Variants in HMGXB3 observed in about 807,000 individuals in gnomAD.
HMGXB3 encodes HMG domain-containing protein 3.
In HMGXB3, 45 loss-of-function variants were observed where a neutral mutation model predicts 121.5. The ratio of observed to expected loss-of-function variants is 0.37; its 90% CI spans 0.29 to 0.47. The LOEUF (loss-of-function observed/expected upper bound fraction) is 0.47, where lower values mean the gene tolerates loss of function less well. Ranked by LOEUF, HMGXB3 falls within the 20% of genes least tolerant of loss-of-function variation. The probability of loss-of-function intolerance (pLI) is 0.99; values close to 1 mark genes in which losing one functional copy is unlikely to be tolerated. For synonymous variants in HMGXB3, 590 were observed against 624.1 expected (o/e 0.95, Z 0.81); for missense variants, 1,376 against 1,602.2 (o/e 0.86, Z 2.41).
At chr5:150,027,594 A>T (rs1756264242) in intron 9 of HMGXB3, among the ~76,000 whole-genome samples, 2 of 151,642 alleles carry the variant, frequency 1.3e-5, no homozygotes, top group African/African-American at 4.9e-5. Context: ...TCTGTCACCC[A>T]GGCTGGAGTG....
At chr5:150,026,604 A>C (rs1302038132) in intron 7 of HMGXB3, 102 bp from the exon 8 acceptor site, 2 of 987,912 alleles carry the variant, frequency 2.0e-6, no homozygotes, top group East Asian at 2.6e-5. Context: ...TTGACAGTTT[A>C]ACCCCAATAC....
chr5:150,026,459 A>G (rs559856814), intron 7 of HMGXB3, among the ~76,000 whole-genome samples: 12 of 152,346 alleles, frequency 7.9e-5, no homozygotes, highest in South Asian at 2.1e-4. Context: ...TGTCTTCGCA[A>G]TGACCCCATA....
At chr5:150,027,143 G>A in intron 9 of HMGXB3, 26 bp downstream of exon 9, 1 of 1,532,974 alleles carries the variant, frequency 6.5e-7, no homozygotes, top group Non-Finnish European at 8.8e-7. Flanking sequence ...CAGAGTGGGA[G>A]CTGTTTGAGG....
chr5:150,008,810 C>T (rs754200722), intron 3 of HMGXB3, among the ~76,000 whole-genome samples: 5 of 152,242 alleles, frequency 3.3e-5, no homozygotes, highest in Non-Finnish European at 5.9e-5. Flanking sequence ...AACATGGCTG[C>T]TTCAAAGGGT....
chr5:150,026,707 G>A lies in HMGXB3; in HGVS notation c.1462G>A (p.Ala488Thr), dbSNP rs893443147. The A allele has an allele frequency of 6.5e-7, 1 of 1,549,472 alleles. No individual in the cohort carries two copies. The change falls in exon 8 of 20, where the codon GCT becomes ACT. Residue 488 changes from alanine to threonine, a missense_variant and splice_region_variant. Transcript: ENST00000502717. ...GATTTCTCTTCTTATTCTTTTCAGA[G>A]CTGACCTGCTTACCCCTGGGTCCAG... ...PLPAPKKPTG[A>T]DLLTPGSRAP...
chr5:150,045,762 GCA>G, intron 16 of HMGXB3, 77 bp downstream of exon 16: 1 of 1,185,880 alleles, frequency 8.4e-7, no homozygotes, highest in Non-Finnish European at 1.2e-6. Context: ...TGGCAAGATA[GCA>G]CAGTGGTAGC....
At chr5:150,008,006 G>A (rs889315557) in intron 3 of HMGXB3, among the ~76,000 whole-genome samples, 3 of 151,692 alleles carry the variant, frequency 2.0e-5, no homozygotes, top group South Asian at 2.1e-4. Flanking sequence ...GCAGTGAGCC[G>A]TGATTGTGCC....
chr5:150,041,681 G>C lies in HMGXB3; in HGVS notation c.2546-104G>C. ...AGTACACTGGAGTGTTCTTTAAGGT[G>C]AATCAGTCTGGCAGAATTGCTCTAC... is the stretch of plus-strand genomic sequence containing the variant. On this transcript the variant is annotated intron_variant, in intron 14 of 19. Transcript: ENST00000502717. The C allele has an allele frequency of 4.9e-6, 4 of 818,638 alleles. No individual in the cohort carries two copies. The South Asian group carries it at 5.1e-5, about 10-fold the overall frequency. 50.7% of individuals were successfully genotyped at this position (818,638 alleles called of 1,614,324 possible).
chr5:150,004,884 CTG>C lies in HMGXB3; in HGVS notation c.34_35del (p.Val12ArgfsTer6). 1 of 1,551,566 alleles carries C rather than the reference CTG, an allele frequency of 6.4e-7. No homozygotes were observed. Among genetic ancestry groups the C allele is most frequent in the Non-Finnish European group, 8.7e-7 (1 of 1,146,896 alleles). ...GCATCATATGATGGTACTGAGGTAA[CTG>C]TCGTGATGGAGGAAATTGAGGAAGC... On this transcript the variant is annotated frameshift_variant, in exon 2 of 20. Transcript: ENST00000502717. LOFTEE classifies it high-confidence loss of function.
chr5:150,030,391 G>T (rs537206951), intron 9 of HMGXB3: 1 of 176,882 alleles, frequency 5.7e-6, no homozygotes, highest in Admixed American at 6.0e-5. Context: ...TGACATTTTA[G>T]TGAATAGTCT....
rs1481337221 is a variant in HMGXB3, at chr5:150,028,557, A to AT, written c.1734+1441dup. Among the ~76,000 whole-genome samples the AT allele has an allele frequency of 9.9e-4, 64 of 64,494 alleles. 4 individuals are homozygous for AT. Among genetic ancestry groups the AT allele is most frequent in the African/African-American group, 2.9e-3 (57 of 19,610 alleles). 42.3% of individuals were successfully genotyped at this position (64,494 alleles called of 152,430 possible). On this transcript the variant is annotated intron_variant, in intron 9 of 19. Coordinates refer to ENST00000502717, the MANE Select transcript of HMGXB3 (RefSeq NM_014983.3). ...TGTGTGTGTGTATATATATATATAT[A>AT]TATTTTTTTTTTTTTTTTTTTCCTC...
intron 13 of HMGXB3, among the ~76,000 whole-genome samples, chr5:150,038,407 G>A (rs142776794): frequency 6.6e-6 from 1 of 152,262 alleles, no homozygotes; most frequent in East Asian, 1.9e-4. Context: ...TTACCCTGTT[G>A]TCTATCCAGG....
intron 15 of HMGXB3, among the ~76,000 whole-genome samples, chr5:150,045,139 A>G (rs1756727980): frequency 6.6e-6 from 1 of 152,250 alleles, no homozygotes; most frequent in African/African-American, 2.4e-5. Flanking sequence ...AGTTCATTAC[A>G]AAGTGTCTGG....
At chr5:150,047,542 C>T in intron 16 of HMGXB3, 82 bp from the exon 17 acceptor site, 1 of 1,509,258 alleles carries the variant, frequency 6.6e-7, no homozygotes, top group Non-Finnish European at 9.0e-7. Context: ...CTGGCTTCCA[C>T]TGTTTGCTGT....
intron 11 of HMGXB3, 91 bp from the exon 12 acceptor site, chr5:150,036,525 CCTATCAGTCATGGGCCCCAT>C (rs1756504175): frequency 1.0e-6 from 1 of 954,812 alleles, no homozygotes; most frequent in South Asian, 1.8e-5. Flanking sequence ...AGGTTTGCCA[CCTATCAGTCATGGGCCCCAT>C]CTGTCTGCTG....
chr5:150,022,941 G>C (rs1387451222), intron 6 of HMGXB3, among the ~76,000 whole-genome samples: 1 of 150,486 alleles, frequency 6.6e-6, no homozygotes, highest in East Asian at 1.9e-4. Context: ...CTCTCGAGTA[G>C]CTGGGAACAC....
chr5:150,014,743 G>T, intron 5 of HMGXB3: 1 of 270,184 alleles, frequency 3.7e-6, no homozygotes, highest in Non-Finnish European at 6.9e-6. Flanking sequence ...AGAGGCAAAG[G>T]CAAGGTGGAG....
At position 150,024,267 on chromosome 5, in the gene HMGXB3, G is replaced by C. The variant is rs1756168563; in HGVS notation, c.1047G>C (p.Lys349Asn). The C allele has an allele frequency of 6.6e-7, 1 of 1,525,220 alleles. No individual in the cohort carries two copies. Among genetic ancestry groups the C allele is most frequent in the East Asian group, 2.5e-5 (1 of 40,738 alleles). 94.5% of individuals were successfully genotyped at this position (1,525,220 alleles called of 1,614,324 possible). A position where few individuals can be genotyped will look rare whatever the true frequency, so the allele number is the denominator to read the frequency against. ...FLGGKWIPKEKPAKVKVELAS... is the reference protein window; with the variant it reads ...FLGGKWIPKENPAKVKVELAS... ...AGGTATTCTTATTTTTCTAGGAAAAGCCAGCCAAAGTAAAAGTGGAATTGG... is the reference window on the plus strand; with the variant it reads ...AGGTATTCTTATTTTTCTAGGAAAACCCAGCCAAAGTAAAAGTGGAATTGG... Residue 349 changes from lysine to asparagine, a missense_variant, in exon 7 of 20, where the codon AAG becomes AAC. Physicochemically the swap from Lys to Asn is moderately conservative, Grantham distance 94 (BLOSUM62 0). Around this residue, in one of 2 missense-constraint regions of HMGXB3, gnomAD observed 1,116 missense variants for 1,369.0 expected, o/e 0.82. Transcript: ENST00000502717.
chr5:150,005,626 GA>G (rs1218805174), intron 2 of HMGXB3, among the ~76,000 whole-genome samples: 10 of 145,942 alleles, frequency 6.9e-5, no homozygotes, highest in Middle Eastern at 3.6e-3. Flanking sequence ...AAAAGAAAAA[GA>G]AAAAAAACAC....
Sources: gnomAD v4.1 joint callset for allele counts (sites outside exome capture counted in the v4.1 genomes callset) on GRCh38, gnomAD v4.1.1 for gene constraint, gnomAD v4.1.1 regional missense constraint, MANE v1.5 for transcripts, NCBI Gene and HGNC (gene_info 2026-07-23, HGNC 2026-07-21) for gene names.